Variants in TBL1X observed in about 807,000 individuals in gnomAD.
TBL1X encodes the protein transducin beta like 1 X-linked, also known as F-box-like/WD repeat-containing protein TBL1X.
A neutral mutation model predicts 50.7 loss-of-function variants in TBL1X; 10 were observed. The ratio of observed to expected loss-of-function variants is 0.20; its 90% CI spans 0.12 to 0.33. The LOEUF (loss-of-function observed/expected upper bound fraction) is 0.33. Ranked by LOEUF, TBL1X falls within the 10% of genes least tolerant of loss-of-function variation. The pLI, the probability that TBL1X is intolerant of heterozygous loss-of-function variation, is 1.00. For missense variants in TBL1X, 340 were observed against 504.4 expected (o/e 0.67, Z 3.12); for synonymous variants, 190 against 214.7 (o/e 0.88, Z 1.01).
intron 2 of TBL1X, among the ~76,000 whole-genome samples, chrX:9,594,050 T>C (rs2082515868): frequency 8.9e-6 from 1 of 112,488 alleles, no homozygotes; most frequent in Non-Finnish European, 1.9e-5. Context: ...GGGATCAGCA[T>C]AGGAGATGGG....
intron 2 of TBL1X, among the ~76,000 whole-genome samples, chrX:9,627,090 T>C (rs1349218427): frequency 8.9e-6 from 1 of 112,176 alleles, no homozygotes; most frequent in Non-Finnish European, 1.9e-5. Flanking sequence ...CATTTACATA[T>C]TGAAGGCAGG....
Position 9,606,955 on chromosome X carries a change from C to T in TBL1X, c.-130-33318C>T, listed in dbSNP as rs1414558814. On this transcript the variant is annotated intron_variant, in intron 2 of 17. Coordinates refer to ENST00000645353, the MANE Select transcript of TBL1X (RefSeq NM_005647.4). ...AAGAACAAAACAGTTGAATAACCTA[C>T]TACAGTCTTCTGTGCAAAGTTAGCT... Among the ~76,000 whole-genome samples, 4 of 112,421 alleles carry T rather than the reference C, an allele frequency of 3.6e-5. No homozygotes were observed. The East Asian group carries it at 1.1e-3, about 31-fold the overall frequency.
intron 2 of TBL1X, among the ~76,000 whole-genome samples, chrX:9,511,012 A>G (rs1376258786): frequency 8.9e-6 from 1 of 112,215 alleles, no homozygotes; most frequent in Non-Finnish European, 1.9e-5. Flanking sequence ...AGCCCTGACT[A>G]ACATCACTGC....
Position 9,476,498 on chromosome X carries a change from C to G in TBL1X, c.-201+11051C>G, listed in dbSNP as rs574514328. Among the ~76,000 whole-genome samples, 7 of 112,361 alleles carry G rather than the reference C, an allele frequency of 6.2e-5. No homozygotes were observed. In the South Asian group the frequency reaches 2.5e-3, roughly 41 times the overall value. On this transcript the variant is annotated intron_variant, in intron 1 of 17. Coordinates refer to ENST00000645353, the MANE Select transcript of TBL1X (RefSeq NM_005647.4). ...TATATAATCTTTCAGAAGTGTATCT[C>G]AGAGAATGACCCTAAGTCGGCTGAC... is the stretch of plus-strand genomic sequence containing the variant.
chrX:9,605,978 C>T (rs772249888), intron 2 of TBL1X, among the ~76,000 whole-genome samples: 16 of 112,344 alleles, frequency 1.4e-4, no homozygotes, highest in Non-Finnish European at 2.6e-4. Flanking sequence ...GTGAAAACTA[C>T]AAACGTTAAT....
intron 5 of TBL1X, among the ~76,000 whole-genome samples, chrX:9,680,841 G>C (rs1168698577): frequency 1.8e-5 from 2 of 111,835 alleles, no homozygotes; most frequent in African/African-American, 6.5e-5. Flanking sequence ...GACCTTCGAG[G>C]TACCCCTGTA....
In TBL1X at chrX:9,708,840, C is replaced by T. The variant is rs981966867; in HGVS notation, c.1237-408C>T. 8.1e-5 allele frequency among the ~76,000 whole-genome samples: 9 copies of T among 111,472 alleles called. No homozygotes were observed. In the East Asian group the frequency reaches 2.5e-3, roughly 31 times the overall value. ...CTGTGATCCTGCCACTGCACTCCAG[C>T]CCGGGAGACAGAGTGAGACCCTGTC... On this transcript the variant is annotated intron_variant, in intron 13 of 17. Transcript: ENST00000645353.
intron 2 of TBL1X, among the ~76,000 whole-genome samples, chrX:9,510,374 C>A (rs2082049440): frequency 8.9e-6 from 1 of 112,119 alleles, no homozygotes; most frequent in East Asian, 2.8e-4. Context: ...CTGGACTAAT[C>A]CAAGAAGTTG....
chrX:9,678,644 A>T (rs899400572), intron 5 of TBL1X, among the ~76,000 whole-genome samples: 3 of 112,895 alleles, frequency 2.7e-5, no homozygotes, highest in African/African-American at 9.7e-5. Context: ...CAGCTGCCTG[A>T]GTATTAAATT....
At chrX:9,635,290 G>A (rs1363253892) in intron 2 of TBL1X, among the ~76,000 whole-genome samples, 1 of 111,220 alleles carries the variant, frequency 9.0e-6, no homozygotes, top group Non-Finnish European at 1.9e-5. Context: ...CTGGGAGATG[G>A]CGGGGGGTGT....
chrX:9,575,366 T>C (rs1238332416), intron 2 of TBL1X, among the ~76,000 whole-genome samples: 1 of 111,575 alleles, frequency 9.0e-6, no homozygotes, highest in East Asian at 2.8e-4. Context: ...TCACTTCCCA[T>C]TCTTCCCTCC....
At chrX:9,464,218 A>C (rs1354306644), upstream of TBL1X, among the ~76,000 whole-genome samples, 1 of 111,101 alleles carries the variant, frequency 9.0e-6, no homozygotes, top group African/African-American at 3.3e-5. Context: ...CACCGGGGCC[A>C]GGCCGTGTAA....
intron 7 of TBL1X, among the ~76,000 whole-genome samples, chrX:9,688,874 C>T (rs760210255): frequency 7.0e-5 from 8 of 113,628 alleles, no homozygotes; most frequent in African/African-American, 2.2e-4. Flanking sequence ...GCATATGTGC[C>T]GTGCATGGCG....
chrX:9,579,142 G>A (rs1432919797), intron 2 of TBL1X, among the ~76,000 whole-genome samples: 1 of 111,773 alleles, frequency 8.9e-6, no homozygotes, highest in African/African-American at 3.3e-5. Context: ...AGCGGGGTGC[G>A]GGGAGATGGC....
At chrX:9,606,245 C>A (rs994659644) in intron 2 of TBL1X, among the ~76,000 whole-genome samples, 3 of 111,878 alleles carry the variant, frequency 2.7e-5, no homozygotes, top group African/African-American at 9.8e-5. Flanking sequence ...CCAGGGCTCA[C>A]GGGGACCGAC....
chrX:9,506,757 T>C (rs1023097193), intron 2 of TBL1X, among the ~76,000 whole-genome samples: 1 of 112,072 alleles, frequency 8.9e-6, no homozygotes, highest in Admixed American at 9.5e-5. Context: ...AATCTCTGAA[T>C]AGACCAATAA....
chrX:9,604,803 G>A (rs1428674705), intron 2 of TBL1X, among the ~76,000 whole-genome samples: 1 of 110,864 alleles, frequency 9.0e-6, no homozygotes, highest in Non-Finnish European at 1.9e-5. Context: ...TTCTGAGCCC[G>A]GCCCTGTTCT....
Position 9,667,683 on chromosome X carries a change from C to T in TBL1X, c.211+13361C>T, listed in dbSNP as rs1187705562. Among the ~76,000 whole-genome samples, 6 of 111,028 alleles carry T rather than the reference C, an allele frequency of 5.4e-5. No homozygotes were observed. The Admixed American group carries it at 5.7e-4, about 11-fold the overall frequency. On this transcript the variant is annotated intron_variant, in intron 5 of 17. Coordinates refer to ENST00000645353, the MANE Select transcript of TBL1X (RefSeq NM_005647.4). ...GGGATACAAAAGGTTTTTGTTTGCCCCTTTGAGTAAATGGCAGGGAAAAGG... is the reference window on the plus strand; with the variant it reads ...GGGATACAAAAGGTTTTTGTTTGCCTCTTTGAGTAAATGGCAGGGAAAAGG...
chrX:9,599,543 C>A (rs1036562374), intron 2 of TBL1X, among the ~76,000 whole-genome samples: 6 of 112,076 alleles, frequency 5.4e-5, no homozygotes, highest in African/African-American at 1.9e-4. Flanking sequence ...CACACAAAAG[C>A]AGATAGATTG....
Sources: gnomAD v4.1 joint callset for allele counts (sites outside exome capture counted in the v4.1 genomes callset) on GRCh38, gnomAD v4.1.1 for gene constraint, MANE v1.5 for transcripts, NCBI Gene and HGNC (gene_info 2026-07-23, HGNC 2026-07-21) for gene names.